CNTN4: variants seen among roughly 807,000 people sequenced by gnomAD.
The protein encoded by CNTN4 is contactin-4.
CNTN4 carries 77 observed loss-of-function variants against 122.5 expected under a neutral mutation model. The ratio of observed to expected loss-of-function variants is 0.63; its 90% CI spans 0.52 to 0.76. CNTN4 has a LOEUF of 0.76. Among genes scored for constraint, CNTN4 ranks in the 30% least tolerant of loss-of-function variants. The pLI is 0.00. For missense variants in CNTN4, 1,256 were observed against 1,259.1 expected (o/e 1.00, Z 0.04); for synonymous variants, 512 against 447.0 (o/e 1.15, Z -1.83).
At chr3:2,703,886 G>C (rs1014241058) in intron 4 of CNTN4, among the ~76,000 whole-genome samples, 5 of 152,036 alleles carry the variant, frequency 3.3e-5, no homozygotes, top group Non-Finnish European at 5.9e-5. Flanking sequence ...AAAGATGATA[G>C]TGTAAATATA....
At chr3:2,344,349 C>T (rs1253838115) in intron 3 of CNTN4, among the ~76,000 whole-genome samples, 1 of 149,700 alleles carries the variant, frequency 6.7e-6, no homozygotes. Context: ...GATCTCGGCT[C>T]ACTGCAACCT....
chr3:2,199,067 TATAAGCAGTATA>T (rs2149378712), intron 2 of CNTN4, among the ~76,000 whole-genome samples: 1 of 152,302 alleles, frequency 6.6e-6, no homozygotes, highest in South Asian at 2.1e-4. Context: ...ACAGCAAACA[TATAAGCAGTATA>T]ATTAGCTCAT....
chr3:2,837,928 A>C (rs7637288), intron 7 of CNTN4, among the ~76,000 whole-genome samples: 34,879 of 152,128 alleles, frequency 0.23, 4,458 homozygotes, highest in East Asian at 0.34. Flanking sequence ...ACCCAGCAGC[A>C]ATCTTTAACA....
chr3:2,256,617 G>A (rs928527161), intron 2 of CNTN4, among the ~76,000 whole-genome samples: 1 of 152,090 alleles, frequency 6.6e-6, no homozygotes, highest in African/African-American at 2.4e-5. Context: ...TTCATCACTG[G>A]GATGCAAGGC....
intron 15 of CNTN4, 60 bp from the exon 16 acceptor site, chr3:3,030,795 G>A (rs903183189): frequency 9.6e-6 from 15 of 1,568,236 alleles, no homozygotes; most frequent in Non-Finnish European, 1.3e-5. Context: ...TCCTTCATGT[G>A]ATAATGATAT....
chr3:2,343,553 G>A (rs1203115681), intron 3 of CNTN4, among the ~76,000 whole-genome samples: 2 of 152,042 alleles, frequency 1.3e-5, no homozygotes, highest in Admixed American at 6.5e-5. Flanking sequence ...ACCTCTAGAG[G>A]GTAAACCCCA....
At position 2,933,860 on chromosome 3, in the gene CNTN4, T is replaced by C. The variant is rs76208364; in HGVS notation, c.1358+8081T>C. The stretch of plus-strand genomic sequence containing the variant: ...GAGTGCATTGGAGTGCATATGTTCA[T>C]CCAGAGAGAGTTCTACAGAATGAGA... On this transcript the variant is annotated intron_variant, in intron 13 of 24. Transcript: ENST00000418658. Among the ~76,000 whole-genome samples the C allele has an allele frequency of 1.7e-3, 255 of 152,180 alleles. 1 individual carries two copies. Among genetic ancestry groups the C allele is most frequent in the African/African-American group, 5.8e-3 (239 of 41,524 alleles).
chr3:2,510,776 C>G (rs2076864922), intron 3 of CNTN4, among the ~76,000 whole-genome samples: 1 of 152,042 alleles, frequency 6.6e-6, no homozygotes, highest in Non-Finnish European at 1.5e-5. Flanking sequence ...CTTGCCAGAC[C>G]AAGCATGTCC....
In CNTN4 at chr3:2,513,361, T is replaced by A. The variant is rs941437061; in HGVS notation, c.-88-58055T>A. On this transcript the variant is annotated intron_variant, in intron 3 of 24. Transcript: ENST00000418658. The stretch of plus-strand genomic sequence containing the variant: ...CAAGTATATGATCTTGTGCAAGATG[T>A]GATCTTGTTTTAAGAGGGATTTATG... Among the ~76,000 whole-genome samples the A allele has an allele frequency of 1.8e-4, 28 of 152,192 alleles. No homozygotes were observed. The South Asian group carries it at 1.9e-3, about 10-fold the overall frequency.
At chr3:2,625,213 G>A (rs1427079896) in intron 4 of CNTN4, among the ~76,000 whole-genome samples, 1 of 152,066 alleles carries the variant, frequency 6.6e-6, no homozygotes, top group Non-Finnish European at 1.5e-5. Context: ...AAGGTAGTGG[G>A]TCTCTAAAAA....
chr3:2,484,165 GA>G (rs891842693), intron 3 of CNTN4, among the ~76,000 whole-genome samples: 24 of 151,984 alleles, frequency 1.6e-4, no homozygotes, highest in African/African-American at 4.1e-4. Context: ...ATATTTTATT[GA>G]AAAAAATACA....
intron 4 of CNTN4, among the ~76,000 whole-genome samples, chr3:2,676,153 T>A (rs1422149996): frequency 6.6e-6 from 1 of 152,198 alleles, no homozygotes. Flanking sequence ...GATAATATTT[T>A]ACTTATGTTT....
chr3:2,958,271 A>G (rs1472159621), intron 13 of CNTN4, among the ~76,000 whole-genome samples: 1 of 152,226 alleles, frequency 6.6e-6, no homozygotes, highest in East Asian at 1.9e-4. Flanking sequence ...TTTATTTCAT[A>G]TGGTACATTA....
chr3:2,677,053 CAT>C (rs2084887110), intron 4 of CNTN4, among the ~76,000 whole-genome samples: 1 of 151,914 alleles, frequency 6.6e-6, no homozygotes, highest in African/African-American at 2.4e-5. Flanking sequence ...AATCCAGTAA[CAT>C]GTGATAACTG....
At chr3:2,115,458 C>T in intron 2 of CNTN4, among the ~76,000 whole-genome samples, 1 of 152,212 alleles carries the variant, frequency 6.6e-6, no homozygotes. Flanking sequence ...TTCCAGGTAA[C>T]CCTGTTTATC....
In CNTN4 at chr3:2,995,100, C is replaced by T. The variant is rs570441376; in HGVS notation, c.1486+6628C>T. 3.9e-5 allele frequency among the ~76,000 whole-genome samples: 6 copies of T among 152,066 alleles called. No homozygotes were observed. The South Asian group carries it at 8.3e-4, about 21-fold the overall frequency. The stretch of plus-strand genomic sequence containing the variant: ...TGCTAAATGCTAATTATGGTAGGTC[C>T]CTCAGTAGAAGAACATCTGGCCAGA... On this transcript the variant is annotated intron_variant, in intron 14 of 24. Coordinates refer to ENST00000418658, the MANE Select transcript of CNTN4 (RefSeq NM_175607.3).
chr3:2,738,581 T>C (rs112486903), intron 5 of CNTN4, among the ~76,000 whole-genome samples: 156 of 152,200 alleles, frequency 1.0e-3, no homozygotes, highest in Middle Eastern at 6.8e-3. Context: ...CACAAAAAAA[T>C]TTATTGCACA....
At chr3:3,006,796 T>A (rs1051649719) in intron 14 of CNTN4, among the ~76,000 whole-genome samples, 1 of 152,218 alleles carries the variant, frequency 6.6e-6, no homozygotes, top group African/African-American at 2.4e-5. Flanking sequence ...TCTAGAAGTT[T>A]CCGTTTTTCC....
chr3:2,631,086 A>T (rs1040899204), intron 4 of CNTN4, among the ~76,000 whole-genome samples: 3 of 152,166 alleles, frequency 2.0e-5, no homozygotes, highest in African/African-American at 7.2e-5. Flanking sequence ...AGTCTTAACA[A>T]TGTTTTCTAA....
Sources: gnomAD v4.1 joint callset for allele counts (sites outside exome capture counted in the v4.1 genomes callset) on GRCh38, gnomAD v4.1.1 for gene constraint, MANE v1.5 for transcripts, NCBI Gene and HGNC (gene_info 2026-07-23, HGNC 2026-07-21) for gene names.